The following TIMM44 variants were observed in gnomAD, a reference collection of about 807,000 sequenced individuals.
The protein encoded by TIMM44 is mitochondrial import inner membrane translocase subunit TIM44.
In TIMM44, 37 loss-of-function variants were observed where a neutral mutation model predicts 63.8. The observed-to-expected ratio is 0.58, with a 90% CI of 0.45 to 0.76. The LOEUF is 0.76. Among genes scored for constraint, TIMM44 ranks in the 30% least tolerant of loss-of-function variants. The pLI is 0.00. For synonymous variants in TIMM44, 239 were observed against 245.1 expected, an observed-to-expected ratio of 0.98 and a Z score of 0.23; for missense variants, 573 against 603.8, an observed-to-expected ratio of 0.95 and a Z score of 0.54.
Position 7,933,896 on chromosome 19 carries a change from C to T in TIMM44, c.651G>A (p.Lys217=). ...LRKRTEFAGD[K]FKEEKVFEPN... ...GCTCAAACACTTTCTCCTCCTTGAACTTATCTCCCGCAAACTCCGTTCTCT... is the reference window on the plus strand; with the variant it reads ...GCTCAAACACTTTCTCCTCCTTGAATTTATCTCCCGCAAACTCCGTTCTCT... Residue 217 remains lysine (K), a synonymous_variant, in exon 6 of 13, where the codon AAG becomes AAA. Transcript: ENST00000270538. This position sits in a 1 kb window ranked among gnomAD's most constrained non-coding sequence, Gnocchi z 4.3. 6.2e-7 allele frequency: 1 copy of T among 1,614,202 alleles called. No individual in the cohort carries two copies. Among genetic ancestry groups the T allele is most frequent in the South Asian group, 1.1e-5 (1 of 91,090 alleles).
In TIMM44 at chr19:7,935,196, G is replaced by A. The variant is rs541418001; in HGVS notation, c.313-51C>T. ...TTTTTTTTTTTTTTTTTGAGACAATGTCTCCGTTGCCGAGGCTGGAGTACA... is the reference window on the plus strand; with the variant it reads ...TTTTTTTTTTTTTTTTTGAGACAATATCTCCGTTGCCGAGGCTGGAGTACA... On this transcript the variant is annotated intron_variant, in intron 3 of 12. Transcript: ENST00000270538. 5.6e-5 allele frequency: 79 copies of A among 1,421,016 alleles called. 1 individual carries two copies. In the East Asian group the frequency reaches 1.8e-3, roughly 32 times the overall value. 88.0% of individuals were successfully genotyped at this position (1,421,016 alleles called of 1,614,324 possible).
rs1019516616 is a variant in TIMM44, at chr19:7,933,125, C to T, written c.770-193G>A. ...CTGCCTGCCCACCTACCTGGCCAGG[C>T]GCAGAGGCCCCTCAGCTGCGGCCCT... On this transcript the variant is annotated intron_variant, in intron 7 of 12. Coordinates refer to ENST00000270538, the MANE Select transcript of TIMM44 (RefSeq NM_006351.4). The surrounding 1 kb of genome is among the most constrained non-coding windows in gnomAD (Gnocchi z 4.3). 8.5e-5 allele frequency among the ~76,000 whole-genome samples: 13 copies of T among 152,166 alleles called. No homozygotes were observed. Among genetic ancestry groups the T allele is most frequent in the African/African-American group, 2.2e-4 (9 of 41,440 alleles).
intron 2 of TIMM44, 24 bp from the exon 3 acceptor site, chr19:7,938,221 AAATTTAAAG>A (rs1260156626): frequency 6.3e-7 from 1 of 1,595,542 alleles, no homozygotes; most frequent in African/African-American, 1.3e-5. Context: ...ACAAGAAAAA[AAATTTAAAG>A]AACATAGTAG....
chr19:7,937,941 C>G, intron 3 of TIMM44, 86 bp downstream of exon 3: 1 of 1,526,360 alleles, frequency 6.6e-7, no homozygotes, highest in Non-Finnish European at 9.1e-7. Context: ...TCACTTGAAC[C>G]TGGGAGGTGG....
rs188851268 is a variant in TIMM44 at position 7,928,532 on chromosome 19, C to T, written c.1039-366G>A. The T allele has an allele frequency of 4.6e-4, 120 of 260,084 alleles. 1 individual carries two copies. Among genetic ancestry groups the T allele is most frequent in the Non-Finnish European group, 6.7e-4 (88 of 131,754 alleles). 16.1% of individuals were successfully genotyped at this position (260,084 alleles called of 1,614,324 possible). The stretch of plus-strand genomic sequence containing the variant: ...CTCTGAATCTTGGCCTGAGATCAAA[C>T]GCCTCTTCTAGGATCTGTCCTCAGC... On this transcript the variant is annotated intron_variant, in intron 10 of 12. Coordinates refer to ENST00000270538, the MANE Select transcript of TIMM44 (RefSeq NM_006351.4).
chr19:7,938,717 G>T (rs1411849035), intron 2 of TIMM44, among the ~76,000 whole-genome samples: 3 of 152,126 alleles, frequency 2.0e-5, no homozygotes, highest in Admixed American at 6.6e-5. Flanking sequence ...TGAGGCACAA[G>T]AATTGCTTGA....
chr19:7,937,088 T>C (rs970364507), intron 3 of TIMM44, among the ~76,000 whole-genome samples: 3 of 148,930 alleles, frequency 2.0e-5, no homozygotes, highest in African/African-American at 7.5e-5. Context: ...GGCAATGGAG[T>C]AAGACTCTGC....
In TIMM44 at chr19:7,927,000, CCAGCTGCCGCGCACCCG is replaced by C. The variant is rs1463363044; in HGVS notation, c.*170_*186del. On this transcript the variant is annotated 3_prime_UTR_variant, in exon 13 of 13. Transcript: ENST00000270538. ...GGGTTGGCCCTGCGGGGGAGTGTCT[CCAGCTGCCGCGCACCCG>C]CAACAGCCCGTTGTCCCCTCCCGGG... 9.8e-6 allele frequency: 8 copies of C among 813,816 alleles called. No individual in the cohort carries two copies. The highest frequency in any genetic ancestry group is 1.5e-5 in the Non-Finnish European group (8 of 516,790). 50.4% of individuals were successfully genotyped at this position (813,816 alleles called of 1,614,324 possible). A position where few individuals can be genotyped will look rare whatever the true frequency, so the allele number is the denominator to read the frequency against.
At position 7,927,200 on chromosome 19, in the gene TIMM44, T is replaced by C. The variant is rs1217616287; in HGVS notation, c.1346A>G (p.Glu449Gly). The change falls in exon 13 of 13, where the codon GAG becomes GGG. Residue 449 changes from glutamate to glycine, a missense_variant. Coordinates refer to ENST00000270538, the MANE Select transcript of TIMM44 (RefSeq NM_006351.4). ...CCGGCACCACACTCAGAGAATCTGC[T>C]CGGTGCTGGAGGCCGAGATGTCCAG... ...RLLDISASST[E>G]QIL The C allele has an allele frequency of 1.2e-6, 2 of 1,609,704 alleles. No homozygotes were observed. Among genetic ancestry groups the C allele is most frequent in the Non-Finnish European group, 1.7e-6 (2 of 1,179,734 alleles).
At chr19:7,932,423 G>C in intron 9 of TIMM44, 1 of 644,272 alleles carries the variant, frequency 1.6e-6, no homozygotes, top group Non-Finnish European at 2.7e-6. Flanking sequence ...AGGTACCGGA[G>C]GTGCCGGTAA....
chr19:7,938,329 ATC>A (rs900955611), intron 2 of TIMM44, 132 bp from the exon 3 acceptor site: 8 of 676,392 alleles, frequency 1.2e-5, no homozygotes, highest in African/African-American at 1.1e-4. Context: ...ATGATTAGCT[ATC>A]TCTTTTATAA....
intron 12 of TIMM44, 67 bp downstream of exon 12, chr19:7,927,590 G>A (rs983116979): frequency 2.0e-6 from 3 of 1,478,620 alleles, no homozygotes; most frequent in South Asian, 2.3e-5. Flanking sequence ...TCTCTGCCAG[G>A]TGGCCACACA....
intron 10 of TIMM44, 43 bp downstream of exon 10, chr19:7,931,095 T>G: frequency 6.3e-7 from 1 of 1,582,412 alleles, no homozygotes; most frequent in Non-Finnish European, 8.6e-7. Context: ...GGTGATTTTT[T>G]AGGCCTTAAA....
intron 1 of TIMM44, among the ~76,000 whole-genome samples, chr19:7,941,647 A>G (rs1009621967): frequency 2.0e-5 from 3 of 151,716 alleles, no homozygotes; most frequent in South Asian, 2.1e-4. Context: ...TAATCTTCCC[A>G]AAGTCTGAGA....
At chr19:7,931,292 C>T in intron 9 of TIMM44, 104 bp from the exon 10 acceptor site, 1 of 1,079,940 alleles carries the variant, frequency 9.3e-7, no homozygotes, top group South Asian at 1.3e-5. Context: ...GGAGTTTCCT[C>T]AGACACCCCC....
intron 10 of TIMM44, among the ~76,000 whole-genome samples, 178 bp downstream of exon 10, chr19:7,930,960 T>G (rs1983961741): frequency 6.7e-6 from 1 of 149,270 alleles, no homozygotes; most frequent in African/African-American, 2.5e-5. Context: ...TGCTGAGGAA[T>G]GGAAAGGGGC....
At chr19:7,939,242 G>A (rs538091695) in intron 2 of TIMM44, among the ~76,000 whole-genome samples, 47 of 152,252 alleles carry the variant, frequency 3.1e-4, no homozygotes, top group South Asian at 4.1e-4. Flanking sequence ...TGGGAGAGGA[G>A]GGGCATGGCA....
chr19:7,927,850 C>G (rs899904193), intron 11 of TIMM44, 83 bp from the exon 12 acceptor site: 2 of 1,419,452 alleles, frequency 1.4e-6, no homozygotes, highest in Non-Finnish European at 2.0e-6. Context: ...CGCCTAGGCC[C>G]TGCTAGGAGA....
At chr19:7,936,349 G>T (rs1647731314) in intron 3 of TIMM44, among the ~76,000 whole-genome samples, 1 of 152,184 alleles carries the variant, frequency 6.6e-6, no homozygotes, top group Admixed American at 6.5e-5. Flanking sequence ...TATTTGGAAG[G>T]CTGAGGCAGG....
Sources: allele counts gnomAD v4.1 joint callset (sites outside exome capture counted in the v4.1 genomes callset), GRCh38; gene constraint gnomAD v4.1.1; non-coding constraint Gnocchi (gnomAD v3.1); transcripts MANE v1.5; gene names NCBI Gene and HGNC (gene_info 2026-07-23, HGNC 2026-07-21).